DOCK8: variants seen among roughly 807,000 people sequenced by gnomAD.
DOCK8 encodes the protein dedicator of cytokinesis protein 8.
DOCK8 carries 141 observed loss-of-function variants against 245.6 expected under a neutral mutation model. That is an observed-to-expected ratio of 0.57 (90% CI 0.50 to 0.66). The LOEUF (loss-of-function observed/expected upper bound fraction) is 0.66, where lower values mean the gene tolerates loss of function less well. Among genes scored for constraint, DOCK8 ranks in the 30% least tolerant of loss-of-function variants. The pLI is 0.00. For missense variants in DOCK8, 2,965 were observed against 2,603.4 expected, an observed-to-expected ratio of 1.14 and a Z score of -3.02; for synonymous variants, 1,168 against 970.2, an observed-to-expected ratio of 1.20 and a Z score of -3.79.
intron 28 of DOCK8, among the ~76,000 whole-genome samples, chr9:409,106 CT>C (rs56323744): frequency 0.19 from 28,816 of 148,734 alleles, 3,556 homozygotes; most frequent in East Asian, 0.53. Flanking sequence ...TCAGCACTTC[CT>C]TTTTTTTTTT....
chr9:414,722 A>G lies in DOCK8; in HGVS notation c.3531-60A>G, dbSNP rs937987611. On this transcript the variant is annotated intron_variant, in intron 28 of 47. Transcript: ENST00000432829. ...CGTTTTCATCACTCTTGACTGTTTAAGAGCTCTTTAGTCAATTTCCTTTCA... is the reference window on the plus strand; with the variant it reads ...CGTTTTCATCACTCTTGACTGTTTAGGAGCTCTTTAGTCAATTTCCTTTCA... The G allele has an allele frequency of 5.0e-6, 8 of 1,607,678 alleles. No individual in the cohort carries two copies. The African/African-American group carries it at 1.1e-4, about 21-fold the overall frequency.
chr9:294,510 C>A lies in DOCK8; in HGVS notation c.404+4929C>A, dbSNP rs185072008. ...TATTTTAATCTGGAAGCTATTACAC[C>A]TACTTTCTGAATACAGTTTCCTATC... On this transcript the variant is annotated intron_variant, in intron 4 of 47. Coordinates refer to ENST00000432829, the MANE Select transcript of DOCK8 (RefSeq NM_203447.4). Among the ~76,000 whole-genome samples the A allele has an allele frequency of 2.6e-5, 4 of 152,296 alleles. No individual in the cohort carries two copies. The East Asian group carries it at 7.7e-4, about 29-fold the overall frequency.
chr9:420,116 A>G, intron 30 of DOCK8: 1 of 479,576 alleles, frequency 2.1e-6, no homozygotes, highest in Non-Finnish European at 3.8e-6. Context: ...TCACCAGGCC[A>G]CACTGCTCCT....
intron 26 of DOCK8, among the ~76,000 whole-genome samples, 174 bp downstream of exon 26, chr9:399,433 A>G (rs896588514): frequency 1.3e-5 from 2 of 152,084 alleles, no homozygotes; most frequent in African/African-American, 2.4e-5. Flanking sequence ...TTCCTCAGAC[A>G]TGCTGGTTTA....
intron 7 of DOCK8, among the ~76,000 whole-genome samples, chr9:319,736 G>T (rs2050503762): frequency 6.7e-6 from 1 of 149,444 alleles, no homozygotes; most frequent in Non-Finnish European, 1.5e-5. Context: ...AACCCTCAAA[G>T]ATACAGAGAG....
At chr9:309,173 A>G (rs2049985585) in intron 5 of DOCK8, among the ~76,000 whole-genome samples, 1 of 152,204 alleles carries the variant, frequency 6.6e-6, no homozygotes, top group Non-Finnish European at 1.5e-5. Context: ...GGGATGAGTA[A>G]TGTTAGATTT....
At chr9:301,530 C>T (rs1231779660) in intron 4 of DOCK8, among the ~76,000 whole-genome samples, 1 of 152,128 alleles carries the variant, frequency 6.6e-6, no homozygotes, top group African/African-American at 2.4e-5. Flanking sequence ...AAAGACATCC[C>T]AACAGGAAGA....
intron 4 of DOCK8, among the ~76,000 whole-genome samples, chr9:293,079 C>G (rs1183861674): frequency 6.6e-6 from 1 of 152,192 alleles, no homozygotes; most frequent in Non-Finnish European, 1.5e-5. Context: ...GCCCAGTTCT[C>G]TGCACCCCTG....
intron 7 of DOCK8, among the ~76,000 whole-genome samples, chr9:318,896 A>G (rs1023120337): frequency 1.3e-5 from 2 of 152,348 alleles, no homozygotes; most frequent in African/African-American, 2.4e-5. Flanking sequence ...ATTCTCCTCT[A>G]TGGTGCTCAT....
At chr9:263,054 A>G (rs1346336847) in intron 1 of DOCK8, among the ~76,000 whole-genome samples, 1 of 152,086 alleles carries the variant, frequency 6.6e-6, no homozygotes, top group Non-Finnish European at 1.5e-5. Flanking sequence ...TAAGAATACA[A>G]AAATGAGCCG....
intron 24 of DOCK8, 106 bp from the exon 25 acceptor site, chr9:396,679 A>G (rs2131394599): frequency 6.7e-7 from 1 of 1,502,382 alleles, no homozygotes; most frequent in Middle Eastern, 1.9e-4. Flanking sequence ...AAAGTGTCAG[A>G]AAATCCATTG....
chr9:459,177 A>T (rs1419603719), intron 46 of DOCK8, among the ~76,000 whole-genome samples: 2 of 152,194 alleles, frequency 1.3e-5, no homozygotes, highest in African/African-American at 4.8e-5. Context: ...CCATTTTTGA[A>T]AAGTTGTTTG....
At chr9:309,160 T>A (rs2049985196) in intron 5 of DOCK8, among the ~76,000 whole-genome samples, 1 of 152,210 alleles carries the variant, frequency 6.6e-6, no homozygotes, top group Non-Finnish European at 1.5e-5. Context: ...ATTTCTAGAT[T>A]AAGGGATGAG....
intron 26 of DOCK8, among the ~76,000 whole-genome samples, chr9:400,373 CCTTCACCAT>C (rs1438308507): frequency 1.3e-5 from 1 of 76,870 alleles, no homozygotes; most frequent in Admixed American, 1.3e-4. Context: ...ATCACCACCT[CCTTCACCAT>C]CACCATCACC....
intron 4 of DOCK8, among the ~76,000 whole-genome samples, chr9:303,424 G>A (rs2049652554): frequency 6.6e-6 from 1 of 152,118 alleles, no homozygotes; most frequent in Non-Finnish European, 1.5e-5. Context: ...AGAAAATTTG[G>A]TACATATACA....
chr9:236,057 ATTT>A (rs1563829588), intron 1 of DOCK8, among the ~76,000 whole-genome samples: 1 of 151,624 alleles, frequency 6.6e-6, no homozygotes, highest in Non-Finnish European at 1.5e-5. Flanking sequence ...CCCCTTATTT[ATTT>A]TTTTCTTACA....
chr9:350,495 G>T (rs899654850), intron 14 of DOCK8, among the ~76,000 whole-genome samples: 1 of 152,150 alleles, frequency 6.6e-6, no homozygotes, highest in East Asian at 1.9e-4. Flanking sequence ...TCCAGGACAC[G>T]TTCATGCCAC....
chr9:313,654 G>A (rs1047161411), intron 6 of DOCK8, among the ~76,000 whole-genome samples: 1 of 152,204 alleles, frequency 6.6e-6, no homozygotes, highest in Non-Finnish European at 1.5e-5. Flanking sequence ...AGTCTCAGGC[G>A]GGAGGAATAC....
intron 1 of DOCK8, chr9:215,341 C>G: frequency 3.1e-6 from 5 of 1,602,250 alleles, no homozygotes; most frequent in Non-Finnish European, 3.4e-6. Flanking sequence ...GGCCGGGTCC[C>G]AGAAGGGTGA....
Sources: allele counts gnomAD v4.1 joint callset (sites outside exome capture counted in the v4.1 genomes callset), GRCh38; gene constraint gnomAD v4.1.1; transcripts MANE v1.5; gene names NCBI Gene and HGNC (gene_info 2026-07-23, HGNC 2026-07-21).